Variants in TRRAP observed in about 807,000 individuals in gnomAD.
TRRAP encodes transformation/transcription domain associated protein.
TRRAP carries 41 observed loss-of-function variants against 438.8 expected under a neutral mutation model. The ratio of observed to expected loss-of-function variants is 0.09; its 90% CI spans 0.07 to 0.12. The LOEUF (loss-of-function observed/expected upper bound fraction) is 0.12. TRRAP is among the 10% of genes least tolerant of loss of function. The pLI is 1.00. For missense variants in TRRAP, 3,122 were observed against 5,055.1 expected (o/e 0.62, Z 11.60); for synonymous variants, 1,994 against 1,962.9 (o/e 1.02, Z -0.42).
At chr7:98,911,366 T>C (rs782745673) in intron 17 of TRRAP, 95 bp downstream of exon 17, 133 of 1,275,940 alleles carry the variant, frequency 1.0e-4, no homozygotes, top group Non-Finnish European at 1.3e-4. Context: ...TTAAAAATAA[T>C]GTAGCCAAGG....
At position 98,908,078 on chromosome 7, in the gene TRRAP, G is replaced by A. The variant is rs1474956714; in HGVS notation, c.1116-650G>A. ...TTGTCCTTAAGATCTCAACTTCAGT[G>A]CCACCTCAAAGGAACTGTCCCTGGA... On this transcript the variant is annotated intron_variant, in intron 13 of 72. Coordinates refer to ENST00000456197, the MANE Select transcript of TRRAP (RefSeq NM_001375524.1). The surrounding 1 kb of genome is among the most constrained non-coding windows in gnomAD (Gnocchi z 4.1). Among the ~76,000 whole-genome samples, 2 of 152,178 alleles carry A rather than the reference G, an allele frequency of 1.3e-5. No homozygotes were observed. The highest frequency in any genetic ancestry group is 3.8e-4 in the East Asian group (2 of 5,200).
chr7:98,910,723 T>C, intron 16 of TRRAP, 116 bp downstream of exon 16: 1 of 827,236 alleles, frequency 1.2e-6, no homozygotes, highest in East Asian at 2.7e-5. Context: ...CCACAGTATT[T>C]GTATACCCAG....
intron 61 of TRRAP, 23 bp downstream of exon 61, chr7:98,984,381 ATGAGGCCAGGTGGAGAT>A (rs748652106): frequency 3.0e-5 from 45 of 1,524,922 alleles, no homozygotes; most frequent in African/African-American, 1.8e-4. Context: ...CACTTGAAGA[ATGAGGCCAGGTGGAGAT>A]TGAGGCCAGG....
Position 98,887,624 on chromosome 7 carries a change from T to C in TRRAP, c.151-2711T>C, listed in dbSNP as rs571577297. On this transcript the variant is annotated intron_variant, in intron 3 of 72. Coordinates refer to ENST00000456197, the MANE Select transcript of TRRAP (RefSeq NM_001375524.1). ...GTGGGCTCTGTAATCCCAGCTACTC[T>C]GGAGGCTGAGGCAGGAGAATCACTT... Among the ~76,000 whole-genome samples the C allele has an allele frequency of 2.0e-5, 3 of 146,930 alleles. No homozygotes were observed. The East Asian group carries it at 6.2e-4, about 30-fold the overall frequency.
At chr7:98,983,864 C>CT (rs537848122) in intron 60 of TRRAP, among the ~76,000 whole-genome samples, 472 of 152,208 alleles carry the variant, frequency 3.1e-3, no homozygotes, top group Admixed American at 5.0e-3. Flanking sequence ...TTAGAGCAGC[C>CT]TTTGTCATTT....
rs1554416645 is a variant in TRRAP at position 98,945,783 on chromosome 7, C to G, written c.4510C>G (p.Pro1504Ala). The G allele has an allele frequency of 6.3e-7, 1 of 1,598,310 alleles. No homozygotes were observed. Among genetic ancestry groups the G allele is most frequent in the Admixed American group, 1.7e-5 (1 of 60,012 alleles). Residue 1504 changes from proline (P) to alanine (A), a missense_variant, in exon 32 of 73, where the codon CCA (proline) becomes GCA (alanine). This residue lies in a region of TRRAP where 108 missense variants were observed against 256.9 expected (regional missense o/e 0.42). Transcript: ENST00000456197. ...CGAGTGCGGGAGATGTCCCTTGTCT[C>G]CATTCTGTCAGTTTGAGGTGAGAAC... ...ISECGRCPLS[P>A]FCQFEPAMEG...
chr7:98,886,150 G>C (rs1368195267), intron 3 of TRRAP, among the ~76,000 whole-genome samples: 3 of 152,320 alleles, frequency 2.0e-5, no homozygotes, highest in African/African-American at 7.2e-5. Flanking sequence ...GCCGAGCATG[G>C]TGGCACATGC....
At chr7:98,932,949 C>A (rs1790389979) in intron 26 of TRRAP, among the ~76,000 whole-genome samples, 1 of 151,370 alleles carries the variant, frequency 6.6e-6, no homozygotes, top group South Asian at 2.1e-4. Context: ...ATTCCTGAGG[C>A]TATAGCACAG....
At position 99,012,407 on chromosome 7, in the gene TRRAP, CCGCAGCTT is replaced by C; in HGVS notation, c.*53_*60del. 6.6e-7 allele frequency: 1 copy of C among 1,516,994 alleles called. No homozygotes were observed. The highest frequency in any genetic ancestry group is 1.3e-5 in the South Asian group (1 of 79,936). The allele number at this position is 1,516,994 out of a possible 1,614,324, so 94.0% of individuals were successfully genotyped here. A position where few individuals can be genotyped will look rare whatever the true frequency, so the allele number is the denominator to read the frequency against. ...GTGAAGGGCGCTCCGGGCTCTGAGC[CCGCAGCTT>C]TTACGACTTCTCCCTGCCTCGTTCC... On this transcript the variant is annotated 3_prime_UTR_variant, in exon 73 of 73. Coordinates refer to ENST00000456197, the MANE Select transcript of TRRAP (RefSeq NM_001375524.1). This position sits in a 1 kb window ranked among gnomAD's most constrained non-coding sequence, Gnocchi z 5.9.
At position 98,955,397 on chromosome 7, in the gene TRRAP, C is replaced by T. The variant is rs1791553409; in HGVS notation, c.5937+93C>T. ...TCTTGTTCTGCAATAATCAGGTGGT[C>T]GTTCATCTTTTAGTAAGGCTACTTC... On this transcript the variant is annotated intron_variant, in intron 41 of 72. Coordinates refer to ENST00000456197, the MANE Select transcript of TRRAP (RefSeq NM_001375524.1). The T allele has an allele frequency of 6.8e-6, 9 of 1,328,688 alleles. No homozygotes were observed. In the South Asian group the frequency reaches 8.8e-5, roughly 13 times the overall value. 82.3% of individuals were successfully genotyped at this position (1,328,688 alleles called of 1,614,324 possible).
chr7:98,962,056 A>T (rs75162736), intron 46 of TRRAP, among the ~76,000 whole-genome samples: 2,714 of 152,324 alleles, frequency 0.018, 83 homozygotes, highest in African/African-American at 0.061. Flanking sequence ...ATTTGGCAGG[A>T]TCAAATTTTA....
At chr7:98,991,984 G>T (rs1467298890) in intron 64 of TRRAP, among the ~76,000 whole-genome samples, 153 bp from the exon 65 acceptor site, 1 of 152,188 alleles carries the variant, frequency 6.6e-6, no homozygotes. Flanking sequence ...CTGGCCTTGT[G>T]CGTCAGATCA....
intron 30 of TRRAP, among the ~76,000 whole-genome samples, chr7:98,938,285 G>A (rs2116549961): frequency 6.6e-6 from 1 of 152,320 alleles, no homozygotes; most frequent in African/African-American, 2.4e-5. Flanking sequence ...GTTGCAGTGA[G>A]CCGAGATGGC....
intron 1 of TRRAP, among the ~76,000 whole-genome samples, chr7:98,880,870 G>A (rs1212082105): frequency 3.9e-5 from 6 of 152,104 alleles, no homozygotes; most frequent in East Asian, 3.9e-4. Context: ...AGAAAATACC[G>A]TAGGAAGGAA....
chr7:98,886,363 G>A (rs782253990), intron 3 of TRRAP, among the ~76,000 whole-genome samples: 1 of 151,328 alleles, frequency 6.6e-6, no homozygotes, highest in Non-Finnish European at 1.5e-5. Flanking sequence ...TATATAGATA[G>A]AGATAGATAT....
Position 98,976,663 on chromosome 7 carries a change from A to T in TRRAP, c.8140A>T (p.Thr2714Ser), listed in dbSNP as rs770041686. ...GACACACAACCTCTGGTTCCGGTCC[A>T]CGCTGATGTTGGAGCACCAGGCTTT... ...GKTHNLWFRS[T>S]LMLEHQAFEK... The change falls in exon 55 of 73, where the codon ACG becomes TCG. Residue 2714 changes from threonine (T) to serine (S), a missense_variant. Coordinates refer to ENST00000456197, the MANE Select transcript of TRRAP (RefSeq NM_001375524.1). This position sits in a 1 kb window ranked among gnomAD's most constrained non-coding sequence, Gnocchi z 4.6. The T allele has an allele frequency of 2.2e-5, 36 of 1,614,078 alleles. No homozygotes were observed. The highest frequency in any genetic ancestry group is 3.0e-5 in the Non-Finnish European group (35 of 1,180,038).
At chr7:98,919,510 A>C (rs1403037321) in intron 20 of TRRAP, among the ~76,000 whole-genome samples, 3 of 152,170 alleles carry the variant, frequency 2.0e-5, no homozygotes, top group Non-Finnish European at 2.9e-5. Flanking sequence ...TTTGAGGTGG[A>C]AGAATCCGTT....
At chr7:98,974,625 C>G (rs1390774367) in intron 53 of TRRAP, among the ~76,000 whole-genome samples, 2 of 152,150 alleles carry the variant, frequency 1.3e-5, no homozygotes, top group Non-Finnish European at 2.9e-5. Flanking sequence ...ACATCATAAT[C>G]CCGGATGTTG....
At chr7:99,007,859 C>T (rs1794254420) in intron 69 of TRRAP, among the ~76,000 whole-genome samples, 1 of 147,258 alleles carries the variant, frequency 6.8e-6, no homozygotes, top group Non-Finnish European at 1.5e-5. Flanking sequence ...TGGAGTCTCG[C>T]TCTGTCGCCA....
Sources: gnomAD v4.1 joint callset for allele counts (sites outside exome capture counted in the v4.1 genomes callset) on GRCh38, gnomAD v4.1.1 for gene constraint, gnomAD v4.1.1 regional missense constraint, Gnocchi (gnomAD v3.1) non-coding constraint, MANE v1.5 for transcripts, NCBI Gene and HGNC (gene_info 2026-07-23, HGNC 2026-07-21) for gene names.